The following GRID2 variants were observed in gnomAD, a reference collection of about 807,000 sequenced individuals.
GRID2 encodes the protein glutamate receptor ionotropic, delta-2.
GRID2 carries 33 observed loss-of-function variants against 114.8 expected under a neutral mutation model. That is an observed-to-expected ratio of 0.29 (90% CI 0.22 to 0.38). The LOEUF is 0.38. Among genes scored for constraint, GRID2 ranks in the 10% least tolerant of loss-of-function variants. The pLI is 1.00. For synonymous variants in GRID2, 505 were observed against 449.9 expected (o/e 1.12, Z -1.55); for missense variants, 1,184 against 1,257.7 (o/e 0.94, Z 0.89).
At chr4:93,351,710 A>T (rs937418881) in intron 8 of GRID2, among the ~76,000 whole-genome samples, 2 of 152,034 alleles carry the variant, frequency 1.3e-5, no homozygotes, top group African/African-American at 4.8e-5. Context: ...TTTAGTTTTT[A>T]TAATGTTATT....
intron 2 of GRID2, among the ~76,000 whole-genome samples, chr4:92,883,223 C>A (rs910955415): frequency 4.6e-5 from 7 of 152,178 alleles, no homozygotes; most frequent in African/African-American, 1.7e-4. Flanking sequence ...AAATCATTTT[C>A]TTTGCTCATC....
intron 14 of GRID2, among the ~76,000 whole-genome samples, chr4:93,658,245 A>G (rs1274172675): frequency 3.9e-5 from 6 of 152,194 alleles, no homozygotes; most frequent in Non-Finnish European, 7.4e-5. Flanking sequence ...AAATAGGATG[A>G]CAGTACACTG....
chr4:92,957,125 T>A (rs1714654295), intron 2 of GRID2, among the ~76,000 whole-genome samples: 1 of 152,150 alleles, frequency 6.6e-6, no homozygotes, highest in Non-Finnish European at 1.5e-5. Flanking sequence ...CTTGACAGTA[T>A]CTTTCACAGA....
rs531110568 is a variant in GRID2 at position 93,295,877 on chromosome 4, T to A, written c.1245+57387T>A. Reference sequence around the variant, plus strand: ...ACTAAAGGATAAATGGAGGGAATGATCAACCACGTCAGATAGCATAGCCTT... The same window carrying A: ...ACTAAAGGATAAATGGAGGGAATGAACAACCACGTCAGATAGCATAGCCTT... On this transcript the variant is annotated intron_variant, in intron 8 of 15. Transcript: ENST00000282020. 3.3e-5 allele frequency among the ~76,000 whole-genome samples: 5 copies of A among 152,326 alleles called. 1 individual carries two copies. The East Asian group carries it at 9.6e-4, about 29-fold the overall frequency.
At chr4:93,626,761 C>G (rs1742773811) in intron 14 of GRID2, among the ~76,000 whole-genome samples, 1 of 152,114 alleles carries the variant, frequency 6.6e-6, no homozygotes. Context: ...GAATTTTTAG[C>G]AACAAATGTC....
chr4:92,990,189 T>G (rs1754779415), intron 2 of GRID2, among the ~76,000 whole-genome samples: 1 of 138,728 alleles, frequency 7.2e-6, no homozygotes, highest in Admixed American at 7.6e-5. Context: ...GCATTCATCT[T>G]AACATTTTCT....
chr4:92,527,227 C>T (rs989068973), intron 1 of GRID2, among the ~76,000 whole-genome samples: 3 of 152,044 alleles, frequency 2.0e-5, no homozygotes, highest in African/African-American at 7.2e-5. Flanking sequence ...GATTTTATAA[C>T]CTCTTACAAT....
At chr4:92,882,932 A>T (rs1746125073) in intron 2 of GRID2, among the ~76,000 whole-genome samples, 1 of 152,232 alleles carries the variant, frequency 6.6e-6, no homozygotes, top group Non-Finnish European at 1.5e-5. Flanking sequence ...GAGTGGTCAC[A>T]GTAGTGGTTG....
At chr4:92,575,927 GAGA>G (rs1472195782) in intron 1 of GRID2, among the ~76,000 whole-genome samples, 1 of 152,176 alleles carries the variant, frequency 6.6e-6, no homozygotes, top group Non-Finnish European at 1.5e-5. Context: ...ACCCTCCCAT[GAGA>G]AGGAGTGGAT....
In GRID2 at chr4:93,231,422, G is replaced by T. The variant is rs898303087; in HGVS notation, c.1125+6647G>T. ...AAAAAAAAAAGAAATTTAGAGGCCA[G>T]TAGTGAATATTGACTAACTATACAA... On this transcript the variant is annotated intron_variant, in intron 7 of 15. Coordinates refer to ENST00000282020, the MANE Select transcript of GRID2 (RefSeq NM_001510.4). Among the ~76,000 whole-genome samples, 13 of 148,158 alleles carry T rather than the reference G, an allele frequency of 8.8e-5. 1 individual carries two copies. Among genetic ancestry groups the T allele is most frequent in the Admixed American group, 6.8e-4 (10 of 14,668 alleles).
At position 93,698,566 on chromosome 4, in the gene GRID2, T is replaced by G. The variant is rs544491051; in HGVS notation, c.2361-70644T>G. ...GGGGGAAAGCACTTTGTCTTTTATGTTCTAAAATAGACTTCTTGATAAAGA... is the reference window on the plus strand; with the variant it reads ...GGGGGAAAGCACTTTGTCTTTTATGGTCTAAAATAGACTTCTTGATAAAGA... On this transcript the variant is annotated intron_variant, in intron 14 of 15. Coordinates refer to ENST00000282020, the MANE Select transcript of GRID2 (RefSeq NM_001510.4). Among the ~76,000 whole-genome samples the G allele has an allele frequency of 2.0e-5, 3 of 152,212 alleles. No individual in the cohort carries two copies. In the East Asian group the frequency reaches 5.8e-4, roughly 29 times the overall value.
chr4:92,538,807 CATT>C (rs1319943452), intron 1 of GRID2, among the ~76,000 whole-genome samples: 3 of 151,966 alleles, frequency 2.0e-5, no homozygotes, highest in Admixed American at 2.0e-4. Flanking sequence ...TGGTGAGTGT[CATT>C]ATTAAAAATG....
intron 2 of GRID2, among the ~76,000 whole-genome samples, chr4:92,720,903 A>G (rs1339808874): frequency 6.6e-6 from 1 of 152,146 alleles, no homozygotes; most frequent in Non-Finnish European, 1.5e-5. Flanking sequence ...TAAATAGCCC[A>G]AATGTTAATT....
chr4:92,424,838 T>A (rs1732079182), intron 1 of GRID2, among the ~76,000 whole-genome samples: 1 of 151,828 alleles, frequency 6.6e-6, no homozygotes, highest in Admixed American at 6.6e-5. Context: ...CTTTTTATAC[T>A]CCTCTGATTA....
chr4:93,742,672 A>T (rs1731516730), intron 14 of GRID2, among the ~76,000 whole-genome samples: 1 of 152,138 alleles, frequency 6.6e-6, no homozygotes, highest in Admixed American at 6.5e-5. Flanking sequence ...TACTATCATA[A>T]TTGTTTTGGG....
chr4:92,563,682 A>G (rs1446322135), intron 1 of GRID2, among the ~76,000 whole-genome samples: 1 of 152,086 alleles, frequency 6.6e-6, no homozygotes, highest in African/African-American at 2.4e-5. Flanking sequence ...TAATGAGGGA[A>G]GCCAGTCAAC....
intron 2 of GRID2, among the ~76,000 whole-genome samples, chr4:92,882,799 G>A (rs551220730): frequency 1.6e-4 from 25 of 152,138 alleles, no homozygotes; most frequent in Non-Finnish European, 3.2e-4. Flanking sequence ...TCTAAAAAAT[G>A]TACATATTTT....
intron 8 of GRID2, among the ~76,000 whole-genome samples, chr4:93,310,311 G>C (rs965498758): frequency 2.0e-5 from 3 of 152,228 alleles, no homozygotes; most frequent in Admixed American, 6.5e-5. Context: ...CTTGAGGTCA[G>C]GAGTTTGAGG....
chr4:93,605,335 C>G (rs1740120781), intron 13 of GRID2, among the ~76,000 whole-genome samples: 1 of 152,172 alleles, frequency 6.6e-6, no homozygotes, highest in South Asian at 2.1e-4. Context: ...AGACATAGAA[C>G]ACTGCCAACA....
Sources: gnomAD v4.1 joint callset for allele counts (sites outside exome capture counted in the v4.1 genomes callset) on GRCh38, gnomAD v4.1.1 for gene constraint, MANE v1.5 for transcripts, NCBI Gene and HGNC (gene_info 2026-07-23, HGNC 2026-07-21) for gene names.